CNTNAP2: variants seen among roughly 807,000 people sequenced by gnomAD.
CNTNAP2 encodes the protein contactin-associated protein-like 2.
A neutral mutation model predicts 155.2 loss-of-function variants in CNTNAP2; 98 were observed. That is an observed-to-expected ratio of 0.63 (90% CI 0.54 to 0.75). The LOEUF is 0.75. CNTNAP2 is among the 30% of genes least tolerant of loss of function. CNTNAP2 has a pLI of 0.00. For synonymous variants in CNTNAP2, 651 were observed against 631.2 expected (o/e 1.03, Z -0.47); for missense variants, 1,727 against 1,688.1 (o/e 1.02, Z -0.40).
chr7:146,732,642 A>G (rs536559319), intron 1 of CNTNAP2, among the ~76,000 whole-genome samples: 1 of 152,284 alleles, frequency 6.6e-6, no homozygotes, highest in Admixed American at 6.5e-5. Context: ...TGGCCATCAT[A>G]CCAAAAAGAA....
rs528716764 is a variant in CNTNAP2 at position 146,317,087 on chromosome 7, A to G, written c.97+200114A>G. The stretch of plus-strand genomic sequence containing the variant: ...GTTATGAAGATTGATAAACATTTGT[A>G]TTTTCTTAGTCCCTTTTTATTTATT... On this transcript the variant is annotated intron_variant, in intron 1 of 23. Transcript: ENST00000361727. 2.0e-3 allele frequency among the ~76,000 whole-genome samples: 310 copies of G among 152,268 alleles called. 3 individuals carry two copies. Among genetic ancestry groups the G allele is most frequent in the African/African-American group, 7.0e-3 (291 of 41,572 alleles).
At chr7:147,315,250 C>G (rs1795204157) in intron 9 of CNTNAP2, among the ~76,000 whole-genome samples, 1 of 146,376 alleles carries the variant, frequency 6.8e-6, no homozygotes, top group South Asian at 2.2e-4. Flanking sequence ...AAATCATATG[C>G]TATAAAATTC....
intron 13 of CNTNAP2, among the ~76,000 whole-genome samples, chr7:147,812,837 A>T (rs1040716377): frequency 6.6e-6 from 1 of 152,226 alleles, no homozygotes; most frequent in African/African-American, 2.4e-5. Flanking sequence ...CTCACAAAGC[A>T]AATGAGCACA....
chr7:147,289,810 T>C (rs1805261440), intron 8 of CNTNAP2, among the ~76,000 whole-genome samples: 2 of 152,228 alleles, frequency 1.3e-5, no homozygotes, highest in African/African-American at 4.8e-5. Flanking sequence ...AAGAGTCTAA[T>C]TGTTTTCTCC....
intron 2 of CNTNAP2, among the ~76,000 whole-genome samples, chr7:146,833,248 T>C (rs910425253): frequency 6.6e-6 from 1 of 152,224 alleles, no homozygotes; most frequent in Non-Finnish European, 1.5e-5. Flanking sequence ...CTATTACTTA[T>C]GGAACTAATT....
chr7:147,343,738 T>C (rs1795801014), intron 9 of CNTNAP2, among the ~76,000 whole-genome samples: 1 of 152,146 alleles, frequency 6.6e-6, no homozygotes, highest in Admixed American at 6.6e-5. Flanking sequence ...ATATGGTGCA[T>C]GGGTGACATG....
intron 4 of CNTNAP2, among the ~76,000 whole-genome samples, chr7:147,083,943 T>C (rs986778052): frequency 4.2e-5 from 4 of 95,004 alleles, no homozygotes; most frequent in East Asian, 5.5e-4. Flanking sequence ...GTATATATTA[T>C]ATAGCATTAT....
At chr7:146,546,426 C>G (rs1199014595) in intron 1 of CNTNAP2, among the ~76,000 whole-genome samples, 1 of 151,828 alleles carries the variant, frequency 6.6e-6, no homozygotes, top group Non-Finnish European at 1.5e-5. Flanking sequence ...GTACAAAACA[C>G]CAGTGTAAAC....
chr7:148,400,767 G>C lies in CNTNAP2; in HGVS notation c.3716-8624G>C, dbSNP rs147572948. 6.5e-3 allele frequency among the ~76,000 whole-genome samples: 994 copies of C among 152,258 alleles called. 13 individuals are homozygous for C. The highest frequency in any genetic ancestry group is 0.022 in the African/African-American group (904 of 41,552). ...GAGGCTGAGGCAAGCAGATCACGAG[G>C]TCAGGAGTTCGAGACCAGCCTAACC... On this transcript the variant is annotated intron_variant, in intron 22 of 23. Transcript: ENST00000361727.
intron 1 of CNTNAP2, among the ~76,000 whole-genome samples, chr7:146,668,227 A>T (rs1478976997): frequency 6.6e-6 from 1 of 152,018 alleles, no homozygotes; most frequent in Non-Finnish European, 1.5e-5. Flanking sequence ...TATCAAAATG[A>T]TTGTATTTTT....
chr7:147,043,083 C>A (rs1182825874), intron 3 of CNTNAP2, among the ~76,000 whole-genome samples: 1 of 151,902 alleles, frequency 6.6e-6, no homozygotes, highest in African/African-American at 2.4e-5. Context: ...TAACTTTATA[C>A]TGACATTTTC....
At chr7:147,653,641 G>A (rs563560537) in intron 13 of CNTNAP2, among the ~76,000 whole-genome samples, 83 of 152,266 alleles carry the variant, frequency 5.5e-4, no homozygotes, top group African/African-American at 2.0e-3. Flanking sequence ...AGAAAGGAGG[G>A]CACTGGGTGT....
intron 3 of CNTNAP2, among the ~76,000 whole-genome samples, chr7:146,877,440 G>A (rs971425231): frequency 2.6e-5 from 4 of 151,842 alleles, no homozygotes; most frequent in Non-Finnish European, 4.4e-5. Flanking sequence ...ACAAATTTGA[G>A]GATGCAGTGA....
At chr7:147,203,451 C>T (rs965063947) in intron 8 of CNTNAP2, among the ~76,000 whole-genome samples, 5 of 152,142 alleles carry the variant, frequency 3.3e-5, no homozygotes, top group East Asian at 1.9e-4. Flanking sequence ...AGGCTGGTCT[C>T]GAACTCCTGA....
chr7:147,063,997 A>G (rs59928514), intron 4 of CNTNAP2, among the ~76,000 whole-genome samples: 9,168 of 152,240 alleles, frequency 0.06, 705 homozygotes, highest in African/African-American at 0.18. Flanking sequence ...GAAGTGAGAG[A>G]TGGAAAGAAA....
In CNTNAP2 at chr7:148,071,251, C is replaced by T. The variant is rs140936218; in HGVS notation, c.2384-46867C>T. ...CAGCACTTTCAGAGGCCGAGACGGG[C>T]GGATTGCCTGAGGTCAGGAGTTCGA... On this transcript the variant is annotated intron_variant, in intron 15 of 23. Coordinates refer to ENST00000361727, the MANE Select transcript of CNTNAP2 (RefSeq NM_014141.6). Among the ~76,000 whole-genome samples the T allele has an allele frequency of 4.4e-3, 673 of 152,110 alleles. 4 individuals are homozygous for T. The highest frequency in any genetic ancestry group is 0.015 in the African/African-American group (614 of 41,500).
chr7:147,450,654 A>G (rs945657853), intron 10 of CNTNAP2, among the ~76,000 whole-genome samples: 1 of 152,238 alleles, frequency 6.6e-6, no homozygotes, highest in African/African-American at 2.4e-5. Context: ...TCATCTTAAC[A>G]TTTGACTATG....
At chr7:147,894,590 G>C (rs921084533) in intron 13 of CNTNAP2, among the ~76,000 whole-genome samples, 30 of 152,114 alleles carry the variant, frequency 2.0e-4, no homozygotes, top group Non-Finnish European at 1.2e-4. Flanking sequence ...TTGTACATAT[G>C]ATAAAACTAG....
At chr7:147,147,096 A>G (rs1294483118) in intron 8 of CNTNAP2, among the ~76,000 whole-genome samples, 1 of 152,200 alleles carries the variant, frequency 6.6e-6, no homozygotes, top group Non-Finnish European at 1.5e-5. Context: ...ACTTACAATC[A>G]TGGCAGAAGC....
Sources: gnomAD v4.1 joint callset for allele counts (sites outside exome capture counted in the v4.1 genomes callset) on GRCh38, gnomAD v4.1.1 for gene constraint, MANE v1.5 for transcripts, NCBI Gene and HGNC (gene_info 2026-07-23, HGNC 2026-07-21) for gene names.